The following MYLK4 variants were observed in gnomAD, a reference collection of about 807,000 sequenced individuals.
MYLK4 encodes caMLCK like.
In MYLK4, 46 loss-of-function variants were observed where a neutral mutation model predicts 48.1. That is an observed-to-expected ratio of 0.96 (90% CI 0.75 to 1.22). The LOEUF (loss-of-function observed/expected upper bound fraction) is 1.22. MYLK4 is among the 50% of genes most tolerant of loss of function. The pLI is 0.00. For synonymous variants in MYLK4, 170 were observed against 180.8 expected, an observed-to-expected ratio of 0.94 and a Z score of 0.48; for missense variants, 451 against 486.1, an observed-to-expected ratio of 0.93 and a Z score of 0.68.
At chr6:2,686,140 C>A (rs905563076) in intron 4 of MYLK4, among the ~76,000 whole-genome samples, 1 of 151,816 alleles carries the variant, frequency 6.6e-6, no homozygotes, top group African/African-American at 2.4e-5. Flanking sequence ...TACCCCAGAC[C>A]TCCTGAGGCA....
At chr6:2,768,856 A>C in the MYLK4 span, 6 of 1,612,276 alleles carry the variant, frequency 3.7e-6, no homozygotes, top group Non-Finnish European at 4.2e-6. Context: ...TATTGATGAG[A>C]TTCATCGGTT....
the MYLK4 span, among the ~76,000 whole-genome samples, chr6:2,762,558 CTT>C: frequency 5.9e-5 from 9 of 152,200 alleles, no homozygotes; most frequent in African/African-American, 1.4e-4. Context: ...TTTAGTAACA[CTT>C]TTCTTGAAAA....
intron 2 of MYLK4, among the ~76,000 whole-genome samples, chr6:2,709,725 C>A (rs79509500): frequency 4.2e-4 from 64 of 152,326 alleles, no homozygotes; most frequent in African/African-American, 1.4e-3. Context: ...AATGTACGAT[C>A]TCTCTAATTT....
intron 2 of MYLK4, among the ~76,000 whole-genome samples, chr6:2,725,201 T>A (rs547329016): frequency 6.6e-6 from 1 of 152,240 alleles, no homozygotes; most frequent in South Asian, 2.1e-4. Context: ...CTCATGCCTA[T>A]AATCCCAGCA....
rs1260721719 is a variant in MYLK4, at chr6:2,696,223, C to T, written c.160-3364G>A. On this transcript the variant is annotated intron_variant, in intron 2 of 12. Coordinates refer to ENST00000274643, the MANE Select transcript of MYLK4 (RefSeq NM_001012418.5). ...TCTGTCTGGCTTCCTAGACTGGTCT[C>T]GTAAGTGGGATATACGTACCCAGGG... 3.9e-5 allele frequency among the ~76,000 whole-genome samples: 6 copies of T among 152,168 alleles called. No individual in the cohort carries two copies. The South Asian group carries it at 8.3e-4, about 21-fold the overall frequency.
rs1266985240 is a variant in MYLK4, at chr6:2,685,471, C to T, written c.435+12G>A. 6.2e-7 allele frequency: 1 copy of T among 1,613,986 alleles called. No homozygotes were observed. The highest frequency in any genetic ancestry group is 2.2e-5 in the East Asian group (1 of 44,868). ...GGCGGGGAGGGAGGGGACCACCTCC[C>T]ACAGGCTGTACCTTGTCCTTCATGC... On this transcript the variant is annotated intron_variant, in intron 5 of 12. Transcript: ENST00000274643. The surrounding 1 kb of genome is among the most constrained non-coding windows in gnomAD (Gnocchi z 4.5).
the MYLK4 span, among the ~76,000 whole-genome samples, chr6:2,767,908 C>T: frequency 6.6e-6 from 1 of 152,198 alleles, no homozygotes; most frequent in African/African-American, 2.4e-5. Flanking sequence ...GAAGCAGCCA[C>T]AGAATGGGTG....
At chr6:2,686,095 AAAG>A (rs974118893) in intron 4 of MYLK4, among the ~76,000 whole-genome samples, 27 of 119,798 alleles carry the variant, frequency 2.3e-4, no homozygotes, top group East Asian at 7.8e-4. Context: ...AGAAAGAAAG[AAAG>A]AAAAAAAAAA....
intron 12 of MYLK4, among the ~76,000 whole-genome samples, 151 bp downstream of exon 12, chr6:2,671,125 T>C (rs975693351): frequency 6.6e-6 from 1 of 152,130 alleles, no homozygotes. Flanking sequence ...AGAGGCAGGG[T>C]GCAAACACAG....
At chr6:2,691,708 A>C (rs774627844) in intron 3 of MYLK4, among the ~76,000 whole-genome samples, 1 of 152,254 alleles carries the variant, frequency 6.6e-6, no homozygotes, top group Non-Finnish European at 1.5e-5. Context: ...TCTTTAAAAA[A>C]TACTGATTCC....
At chr6:2,741,320 GATTTGCCAC>G (rs1203680964) in intron 2 of MYLK4, among the ~76,000 whole-genome samples, 1 of 152,162 alleles carries the variant, frequency 6.6e-6, no homozygotes, top group Non-Finnish European at 1.5e-5. Flanking sequence ...ACACAGACTT[GATTTGCCAC>G]ATTTGTATTT....
At chr6:2,764,810 A>AAT in the MYLK4 span, among the ~76,000 whole-genome samples, 1 of 152,138 alleles carries the variant, frequency 6.6e-6, no homozygotes, top group Non-Finnish European at 1.5e-5. Context: ...CAACACATCT[A>AAT]AAAGGGGGCG....
rs1243616062 is a variant in MYLK4 at position 2,667,817 on chromosome 6, C to T, written c.*108G>A. ...CGAGGGCTCCCCCTGCTAAGACTAC[C>T]AGGTCATCACAGGGGTCAAGGCATC... On this transcript the variant is annotated 3_prime_UTR_variant, in exon 13 of 13. Coordinates refer to ENST00000274643, the MANE Select transcript of MYLK4 (RefSeq NM_001012418.5). The T allele has an allele frequency of 6.6e-6, 1 of 152,558 alleles. No individual in the cohort carries two copies. Among genetic ancestry groups the T allele is most frequent in the Non-Finnish European group, 1.5e-5 (1 of 68,036 alleles). The allele number at this position is 152,558 out of a possible 1,614,324, so 9.5% of individuals were successfully genotyped here. A position where few individuals can be genotyped will look rare whatever the true frequency, so the allele number is the denominator to read the frequency against.
chr6:2,768,928 AAT>A, the MYLK4 span: 2 of 1,550,534 alleles, frequency 1.3e-6, no homozygotes, highest in African/African-American at 2.7e-5. Context: ...AACATCAAAC[AAT>A]ATAAAGTGTG....
intron 10 of MYLK4, 29 bp downstream of exon 10, chr6:2,678,191 G>A (rs367561764): frequency 1.1e-5 from 17 of 1,609,074 alleles, no homozygotes; most frequent in Admixed American, 1.7e-5. Flanking sequence ...TCCCTACTGC[G>A]CCCGGAGCAC....
At chr6:2,695,468 G>C (rs77001707) in intron 2 of MYLK4, among the ~76,000 whole-genome samples, 1 of 152,164 alleles carries the variant, frequency 6.6e-6, no homozygotes, top group Admixed American at 6.5e-5. Context: ...CTTTGGGTTC[G>C]GAGTTGGACT....
At chr6:2,686,960 A>G (rs560678601) in intron 4 of MYLK4, among the ~76,000 whole-genome samples, 2 of 152,172 alleles carry the variant, frequency 1.3e-5, no homozygotes, top group African/African-American at 4.8e-5. Context: ...GGCTCCCTCA[A>G]CCTTCTGACT....
Position 2,692,863 on chromosome 6 carries a change from T to C in MYLK4, c.160-4A>G, listed in dbSNP as rs752626177. 6.2e-7 allele frequency: 1 copy of C among 1,611,962 alleles called. No individual in the cohort carries two copies. Among genetic ancestry groups the C allele is most frequent in the South Asian group, 1.1e-5 (1 of 90,568 alleles). ...CGTTTGACCACACCTCCTTCGCCTG[T>C]GGAGGCACAATTGAGTAATTGAAGT... is the stretch of plus-strand genomic sequence containing the variant. On this transcript the variant is annotated splice_region_variant and splice_polypyrimidine_tract_variant and intron_variant, in intron 2 of 12. Coordinates refer to ENST00000274643, the MANE Select transcript of MYLK4 (RefSeq NM_001012418.5).
chr6:2,763,573 C>G, the MYLK4 span, among the ~76,000 whole-genome samples: 10 of 152,232 alleles, frequency 6.6e-5, no homozygotes, highest in African/African-American at 1.9e-4. Flanking sequence ...CGAGGCTTAT[C>G]TGAGCCTACT....
Sources: allele counts gnomAD v4.1 joint callset (sites outside exome capture counted in the v4.1 genomes callset), GRCh38; gene constraint gnomAD v4.1.1; non-coding constraint Gnocchi (gnomAD v3.1); transcripts MANE v1.5; gene names NCBI Gene and HGNC (gene_info 2026-07-23, HGNC 2026-07-21).